Variants in RGS6 observed in about 807,000 individuals in gnomAD.
The protein encoded by RGS6 is regulator of G protein signaling 6, also known as regulator of G-protein signaling 6.
A neutral mutation model predicts 78.5 loss-of-function variants in RGS6; 30 were observed. The ratio of observed to expected loss-of-function variants is 0.38; its 90% confidence interval spans 0.29 to 0.52. RGS6 has a LOEUF of 0.52. Ranked by LOEUF, RGS6 falls within the 20% of genes least tolerant of loss-of-function variation. The pLI, the probability that RGS6 is intolerant of heterozygous loss-of-function variation, is 0.85. For missense variants in RGS6, 495 were observed against 609.7 expected (o/e 0.81, Z 1.98); for synonymous variants, 206 against 206.0 (o/e 1.00, Z 0.00).
In RGS6 at chr14:72,233,927, G is replaced by A. The variant is rs143410822; in HGVS notation, c.85-118168G>A. 3.5e-3 allele frequency among the ~76,000 whole-genome samples: 532 copies of A among 152,204 alleles called. 4 individuals carry two copies. The highest frequency in any genetic ancestry group is 0.012 in the African/African-American group (516 of 41,514). ...GTGAAGGACCGAATAGTTAGAGTTC[G>A]TACTGAGTGTCTGTGGTGCAGGGAG... On this transcript the variant is annotated intron_variant, in intron 2 of 17. Coordinates refer to ENST00000553525, the MANE Select transcript of RGS6 (RefSeq NM_001204424.2).
At chr14:72,528,224 G>T (rs1259478305) in intron 15 of RGS6, among the ~76,000 whole-genome samples, 2 of 152,182 alleles carry the variant, frequency 1.3e-5, no homozygotes, top group Non-Finnish European at 1.5e-5. Context: ...TTTTCAGCAG[G>T]TGTGGTTTTG....
Position 72,472,940 on chromosome 14 carries a change from T to C in RGS6, c.605T>C (p.Val202Ala). The C allele has an allele frequency of 1.2e-6, 2 of 1,610,860 alleles. No individual in the cohort carries two copies. The highest frequency in any genetic ancestry group is 1.7e-6 in the Non-Finnish European group (2 of 1,178,696). The change falls in exon 9 of 18, where the codon GTC (valine) becomes GCC (alanine). Residue 202 changes from valine (V) to alanine (A), a missense_variant. Val to Ala is a moderately conservative substitution (Grantham distance 64). Transcript: ENST00000553525. The stretch of plus-strand genomic sequence containing the variant: ...AGTCAAGAACGAGCCTTTTGGGATG[T>C]CCACAGGCCTGTGGTGAGAAAGCGC... ...LDSQERAFWD[V>A]HRPVPGCVNT... is the part of the protein sequence containing the mutation.
intron 2 of RGS6, among the ~76,000 whole-genome samples, chr14:72,062,126 G>T (rs1032446029): frequency 2.6e-5 from 4 of 152,238 alleles, no homozygotes; most frequent in Admixed American, 2.6e-4. Flanking sequence ...AGGAAAGGCT[G>T]CTTTCAGAAG....
chr14:72,229,584 A>G (rs2049022643), intron 2 of RGS6, among the ~76,000 whole-genome samples: 1 of 152,156 alleles, frequency 6.6e-6, no homozygotes, highest in Non-Finnish European at 1.5e-5. Context: ...GATAACTGAC[A>G]GAGTCATTTA....
At chr14:72,149,563 C>T (rs140447267) in intron 2 of RGS6, among the ~76,000 whole-genome samples, 53 of 152,188 alleles carry the variant, frequency 3.5e-4, no homozygotes, top group African/African-American at 4.8e-4. Flanking sequence ...GTTAAAGGAA[C>T]GTTTGGGACC....
rs140096361 is a variant in RGS6 at position 72,221,297 on chromosome 14, G to A, written c.85-130798G>A. 1.7e-3 allele frequency among the ~76,000 whole-genome samples: 266 copies of A among 152,232 alleles called. 1 individual carries two copies. The highest frequency in any genetic ancestry group is 5.9e-3 in the African/African-American group (243 of 41,528). On this transcript the variant is annotated intron_variant, in intron 2 of 17. Transcript: ENST00000553525. Reference sequence around the variant, plus strand: ...ATCCTAATTTTCTTCCTAACTAAAAGGGACATCTGTTTTTGCAATGGCTCT... The same window carrying A: ...ATCCTAATTTTCTTCCTAACTAAAAAGGACATCTGTTTTTGCAATGGCTCT...
In RGS6 at chr14:72,465,837, T is replaced by A; in HGVS notation, c.459+15T>A. The A allele has an allele frequency of 6.2e-7, 1 of 1,603,338 alleles. No homozygotes were observed. Among genetic ancestry groups the A allele is most frequent in the Non-Finnish European group, 8.5e-7 (1 of 1,170,258 alleles). ...ATTATGAAGCAGTAAGTATGATTAT[T>A]TTCCAGGATACATATAAGAAGAGAG... is the stretch of plus-strand genomic sequence containing the variant. On this transcript the variant is annotated intron_variant, in intron 7 of 17. Transcript: ENST00000553525.
upstream of RGS6, among the ~76,000 whole-genome samples, chr14:71,928,644 A>G (rs2087753957): frequency 6.6e-6 from 1 of 152,242 alleles, no homozygotes; most frequent in African/African-American, 2.4e-5. Flanking sequence ...ACGCCAATCA[A>G]TTCTATTACA....
chr14:72,579,911 C>T, the RGS6 span, among the ~76,000 whole-genome samples: 2 of 152,098 alleles, frequency 1.3e-5, no homozygotes, highest in Admixed American at 6.5e-5. Context: ...GTGGATGGGG[C>T]ACGAATTGAA....
intron 2 of RGS6, among the ~76,000 whole-genome samples, chr14:72,005,992 T>G (rs1220485691): frequency 6.6e-6 from 1 of 152,160 alleles, no homozygotes; most frequent in Non-Finnish European, 1.5e-5. Context: ...TCCAAAAATA[T>G]TGATGTTAAA....
At chr14:71,938,393 C>A (rs1190067561) in intron 1 of RGS6, among the ~76,000 whole-genome samples, 1 of 152,222 alleles carries the variant, frequency 6.6e-6, no homozygotes, top group Non-Finnish European at 1.5e-5. Context: ...GTTCTGCCCA[C>A]TGGGAAGATT....
intron 3 of RGS6, among the ~76,000 whole-genome samples, chr14:72,398,367 A>G (rs1443314815): frequency 6.6e-6 from 1 of 152,136 alleles, no homozygotes; most frequent in Non-Finnish European, 1.5e-5. Flanking sequence ...CTCTGATGGT[A>G]GTTTGTATTT....
At position 72,102,363 on chromosome 14, in the gene RGS6, A is replaced by C. The variant is rs575734779; in HGVS notation, c.84+137488A>C. On this transcript the variant is annotated intron_variant, in intron 2 of 17. Coordinates refer to ENST00000553525, the MANE Select transcript of RGS6 (RefSeq NM_001204424.2). Reference sequence around the variant, plus strand: ...TACAGAAAATATGAATAAAGAAATAAAGATTAAAAACCTTAGAAGAAATGA... The same window carrying C: ...TACAGAAAATATGAATAAAGAAATACAGATTAAAAACCTTAGAAGAAATGA... 2.0e-5 allele frequency among the ~76,000 whole-genome samples: 3 copies of C among 152,362 alleles called. No individual in the cohort carries two copies. The East Asian group carries it at 5.8e-4, about 29-fold the overall frequency.
chr14:72,613,201 A>C, the RGS6 span, among the ~76,000 whole-genome samples: 1 of 152,004 alleles, frequency 6.6e-6, no homozygotes. Flanking sequence ...TTGCTGAGGG[A>C]ATATATAGGC....
the RGS6 span, among the ~76,000 whole-genome samples, chr14:72,627,386 A>G: frequency 6.6e-6 from 1 of 152,118 alleles, no homozygotes; most frequent in East Asian, 1.9e-4. Flanking sequence ...CCATTGTCCC[A>G]GCACCATTCA....
At chr14:72,152,138 G>C (rs2096699676) in intron 2 of RGS6, among the ~76,000 whole-genome samples, 1 of 152,068 alleles carries the variant, frequency 6.6e-6, no homozygotes, top group Admixed American at 6.6e-5. Flanking sequence ...TGATAAAACT[G>C]TAGAAGAAGA....
chr14:72,276,279 A>G (rs916632775), intron 2 of RGS6, among the ~76,000 whole-genome samples: 7 of 152,230 alleles, frequency 4.6e-5, no homozygotes, highest in Non-Finnish European at 8.8e-5. Context: ...TTTAAAATTA[A>G]TGGAAGGAGA....
At chr14:71,970,150 G>C (rs2093720880) in intron 2 of RGS6, among the ~76,000 whole-genome samples, 1 of 152,164 alleles carries the variant, frequency 6.6e-6, no homozygotes, top group Non-Finnish European at 1.5e-5. Context: ...TTAATTATAT[G>C]CTATATACAT....
intron 2 of RGS6, among the ~76,000 whole-genome samples, chr14:71,991,296 A>G (rs2094943328): frequency 6.6e-6 from 1 of 152,192 alleles, no homozygotes; most frequent in Non-Finnish European, 1.5e-5. Context: ...CACATCATGT[A>G]ACAATTCTGC....
Sources: allele counts gnomAD v4.1 joint callset (sites outside exome capture counted in the v4.1 genomes callset), GRCh38; gene constraint gnomAD v4.1.1; transcripts MANE v1.5; gene names NCBI Gene and HGNC (gene_info 2026-07-23, HGNC 2026-07-21).